CUL1: variants seen among roughly 807,000 people sequenced by gnomAD.
The protein encoded by CUL1 is cullin-1.
CUL1 carries 24 observed loss-of-function variants against 118.0 expected under a neutral mutation model. The ratio of observed to expected loss-of-function variants is 0.20; its 90% CI spans 0.15 to 0.29. The LOEUF (loss-of-function observed/expected upper bound fraction) is 0.29. CUL1 is among the 10% of genes least tolerant of loss of function. The pLI is 1.00. For missense variants in CUL1, 361 were observed against 933.8 expected, an observed-to-expected ratio of 0.39 and a Z score of 7.99; for synonymous variants, 332 against 340.4, an observed-to-expected ratio of 0.98 and a Z score of 0.27.
In CUL1 at chr7:148,729,986, C is replaced by T. The variant is rs779861787; in HGVS notation, c.-137C>T. 2.9e-4 allele frequency: 278 copies of T among 975,346 alleles called. No homozygotes were observed. The highest frequency in any genetic ancestry group is 3.8e-4 in the Non-Finnish European group (255 of 672,950). The allele number at this position is 975,346 out of a possible 1,614,324, so 60.4% of individuals were successfully genotyped here. A position where few individuals can be genotyped will look rare whatever the true frequency, so the allele number is the denominator to read the frequency against. On this transcript the variant is annotated 5_prime_UTR_variant, in exon 2 of 22. Transcript: ENST00000325222. ...GGTTTGCCTGCAATGAGATTTCATT[C>T]TCTACATTTAAAGGACATCCTTTCT... is the stretch of plus-strand genomic sequence containing the variant.
intron 2 of CUL1, among the ~76,000 whole-genome samples, chr7:148,747,262 G>A (rs1799335715): frequency 6.6e-6 from 1 of 152,138 alleles, no homozygotes; most frequent in African/African-American, 2.4e-5. Context: ...CCAAGGAACA[G>A]CAGTCAGGCT....
At chr7:148,785,192 C>G (rs1003620984) in intron 11 of CUL1, among the ~76,000 whole-genome samples, 2 of 151,886 alleles carry the variant, frequency 1.3e-5, no homozygotes, top group African/African-American at 4.8e-5. Flanking sequence ...AGTATTTATT[C>G]CTGGTTTAAT....
intron 1 of CUL1, among the ~76,000 whole-genome samples, chr7:148,720,499 A>G (rs1798364234): frequency 1.3e-5 from 2 of 152,202 alleles, no homozygotes; most frequent in South Asian, 4.1e-4. Flanking sequence ...GAGGCTAAGC[A>G]TGACCCTCAG....
intron 1 of CUL1, among the ~76,000 whole-genome samples, chr7:148,700,709 G>C (rs1375474466): frequency 1.3e-5 from 2 of 152,150 alleles, no homozygotes; most frequent in Non-Finnish European, 2.9e-5. Context: ...CCTTAAGCTT[G>C]AGAGGGATGG....
At chr7:148,733,023 G>A (rs1189702261) in intron 2 of CUL1, among the ~76,000 whole-genome samples, 6 of 152,044 alleles carry the variant, frequency 3.9e-5, no homozygotes, top group African/African-American at 7.2e-5. Flanking sequence ...TTATCTCACC[G>A]CGGGCTGGTG....
chr7:148,734,495 G>T (rs1003547891), intron 2 of CUL1, among the ~76,000 whole-genome samples: 3 of 152,160 alleles, frequency 2.0e-5, no homozygotes, highest in Non-Finnish European at 4.4e-5. Context: ...CCGCCCACCT[G>T]GGCCTCCCAA....
At chr7:148,716,045 T>C (rs1361233666) in intron 1 of CUL1, among the ~76,000 whole-genome samples, 2 of 152,216 alleles carry the variant, frequency 1.3e-5, no homozygotes, top group Non-Finnish European at 2.9e-5. Context: ...TGAGTTCATA[T>C]TTATTTACAA....
chr7:148,760,169 TGAAA>T (rs1323659138), intron 6 of CUL1, among the ~76,000 whole-genome samples, 160 bp from the exon 7 acceptor site: 2 of 152,228 alleles, frequency 1.3e-5, no homozygotes, highest in African/African-American at 4.8e-5. Context: ...TTTATTTTAT[TGAAA>T]GAGTGTACTT....
At position 148,800,296 on chromosome 7, in the gene CUL1, C is replaced by T. The variant is rs59400376; in HGVS notation, c.2251-206C>T. 0.072 allele frequency among the ~76,000 whole-genome samples: 10,886 copies of T among 152,238 alleles called. 472 individuals are homozygous for T. Among genetic ancestry groups the T allele is most frequent in the African/African-American group, 0.093 (3,861 of 41,530 alleles). Reference sequence around the variant, plus strand: ...TGCAGGAGGGACTCGGAGTCACCCTCAGCAAGTGTCAGGGAGCTCCGTGCA... The same window carrying T: ...TGCAGGAGGGACTCGGAGTCACCCTTAGCAAGTGTCAGGGAGCTCCGTGCA... On this transcript the variant is annotated intron_variant, in intron 21 of 21. Coordinates refer to ENST00000325222, the MANE Select transcript of CUL1 (RefSeq NM_003592.3). This position sits in a 1 kb window ranked among gnomAD's most constrained non-coding sequence, Gnocchi z 4.6.
intron 1 of CUL1, among the ~76,000 whole-genome samples, chr7:148,719,743 T>A (rs1453320077): frequency 6.6e-6 from 1 of 152,262 alleles, no homozygotes; most frequent in Non-Finnish European, 1.5e-5. Context: ...AGCTCATGAA[T>A]TCGCTAGTTC....
Position 148,784,083 on chromosome 7 carries a change from A to G in CUL1, c.1298+6A>G. 1 of 1,603,230 alleles carries G rather than the reference A, an allele frequency of 6.2e-7. No homozygotes were observed. ...GACTCCTTGTTGAAGAAAAGGTATT[A>G]AATGACCCTATGTTTTCTTAGTATG... is the stretch of plus-strand genomic sequence containing the variant. On this transcript the variant is annotated splice_donor_region_variant and intron_variant, in intron 11 of 21. Transcript: ENST00000325222.
At chr7:148,769,366 C>G (rs569426858) in intron 9 of CUL1, among the ~76,000 whole-genome samples, 3 of 146,790 alleles carry the variant, frequency 2.0e-5, no homozygotes, top group African/African-American at 7.6e-5. Flanking sequence ...GACTTTATTT[C>G]CAAGCTAAAT....
At chr7:148,788,856 T>C (rs1224786871) in intron 14 of CUL1, among the ~76,000 whole-genome samples, 182 bp downstream of exon 14, 1 of 152,218 alleles carries the variant, frequency 6.6e-6, no homozygotes, top group African/African-American at 2.4e-5. Context: ...CATTAGGAGA[T>C]GACAACCCTT....
intron 2 of CUL1, among the ~76,000 whole-genome samples, chr7:148,734,583 A>T (rs754739164): frequency 6.6e-6 from 1 of 152,214 alleles, no homozygotes; most frequent in East Asian, 1.9e-4. Context: ...GTAAAATTCT[A>T]TGCAGGTGGG....
chr7:148,776,641 A>G (rs925590359), intron 9 of CUL1, among the ~76,000 whole-genome samples: 1 of 151,874 alleles, frequency 6.6e-6, no homozygotes, highest in African/African-American at 2.4e-5. Context: ...TATATCCAAC[A>G]TACACCCTTC....
At chr7:148,768,247 G>T (rs973014032) in intron 9 of CUL1, among the ~76,000 whole-genome samples, 1 of 152,080 alleles carries the variant, frequency 6.6e-6, no homozygotes, top group Non-Finnish European at 1.5e-5. Flanking sequence ...TGTAATTCAG[G>T]TCATCTGTAA....
At chr7:148,729,743 C>T (rs527464503) in intron 1 of CUL1, among the ~76,000 whole-genome samples, 1 of 152,174 alleles carries the variant, frequency 6.6e-6, no homozygotes, top group South Asian at 2.1e-4. Flanking sequence ...AAACTTTTAC[C>T]CAGGTTTTCT....
At chr7:148,740,005 A>G (rs1344504555) in intron 2 of CUL1, among the ~76,000 whole-genome samples, 1 of 151,894 alleles carries the variant, frequency 6.6e-6, no homozygotes, top group East Asian at 1.9e-4. Flanking sequence ...ACTTCTTGTC[A>G]ATGTCTACCC....
At chr7:148,775,351 A>T (rs1800361133) in intron 9 of CUL1, among the ~76,000 whole-genome samples, 1 of 152,212 alleles carries the variant, frequency 6.6e-6, no homozygotes, top group Admixed American at 6.5e-5. Flanking sequence ...TAGGATACAC[A>T]TGGATAAAGT....
Sources: allele counts gnomAD v4.1 joint callset (sites outside exome capture counted in the v4.1 genomes callset), GRCh38; gene constraint gnomAD v4.1.1; non-coding constraint Gnocchi (gnomAD v3.1); transcripts MANE v1.5; gene names NCBI Gene and HGNC (gene_info 2026-07-23, HGNC 2026-07-21).